The following IQCH variants were observed in gnomAD, a reference collection of about 807,000 sequenced individuals.
IQCH encodes the protein IQ domain-containing protein H.
In IQCH, 98 loss-of-function variants were observed where a neutral mutation model predicts 117.0. The ratio of observed to expected loss-of-function variants is 0.84; its 90% confidence interval spans 0.71 to 0.99. The LOEUF (loss-of-function observed/expected upper bound fraction) is 0.99. Ranked by LOEUF, IQCH falls within the 50% of genes least tolerant of loss-of-function variation. The pLI is 0.00. For missense variants in IQCH, 1,102 were observed against 1,243.8 expected (o/e 0.89, Z 1.72); for synonymous variants, 412 against 448.2 (o/e 0.92, Z 1.02).
rs79090278 is a variant in IQCH at position 67,399,609 on chromosome 15, C to G, written c.1906-505C>G. Among the ~76,000 whole-genome samples, 950 of 152,250 alleles carry G rather than the reference C, an allele frequency of 6.2e-3. 13 individuals are homozygous for G. The highest frequency in any genetic ancestry group is 0.02 in the African/African-American group (837 of 41,540). ...AAACTTGGCCAATTGGCCAGCCAAA[C>G]AAATGTATTTCATGTACATTAATGA... is the stretch of plus-strand genomic sequence containing the variant. On this transcript the variant is annotated intron_variant, in intron 13 of 20. Coordinates refer to ENST00000335894, the MANE Select transcript of IQCH (RefSeq NM_001031715.3).
At position 67,381,968 on chromosome 15, in the gene IQCH, TGATA is replaced by T. The variant is rs1970945541; in HGVS notation, c.1373-2967_1373-2964del. On this transcript the variant is annotated intron_variant, in intron 10 of 20. Coordinates refer to ENST00000335894, the MANE Select transcript of IQCH (RefSeq NM_001031715.3). The surrounding 1 kb of genome is among the most constrained non-coding windows in gnomAD (Gnocchi z 5.1). ...TGCATTGCCAGCCTGGGCAACAGAGTGATACCCTGTCAAAAAAAAAAAAAGAATT... is the reference window on the plus strand; with the variant it reads ...TGCATTGCCAGCCTGGGCAACAGAGTCCCTGTCAAAAAAAAAAAAAGAATT... Among the ~76,000 whole-genome samples the T allele has an allele frequency of 7.1e-6, 1 of 141,600 alleles. No individual in the cohort carries two copies. The highest frequency in any genetic ancestry group is 7.6e-5 in the Admixed American group (1 of 13,104). 92.9% of individuals were successfully genotyped at this position (141,600 alleles called of 152,430 possible).
In IQCH at chr15:67,433,689, C is replaced by A. The variant is rs1407872290; in HGVS notation, c.2505+12112C>A. Among the ~76,000 whole-genome samples the A allele has an allele frequency of 6.6e-6, 1 of 152,276 alleles. No homozygotes were observed. The highest frequency in any genetic ancestry group is 3.4e-3 in the Middle Eastern group (1 of 294). ...AGGGCGAGGAAAATCTGGACACTCA[C>A]ACTGCACCCTGCTGTCTCCAGCAGG... On this transcript the variant is annotated intron_variant, in intron 16 of 20. Transcript: ENST00000335894. The surrounding 1 kb of genome is among the most constrained non-coding windows in gnomAD (Gnocchi z 5.4).
At position 67,473,975 on chromosome 15, in the gene IQCH, C is replaced by T. The variant is rs567341142; in HGVS notation, c.2677-1721C>T. Among the ~76,000 whole-genome samples the T allele has an allele frequency of 2.2e-4, 33 of 151,932 alleles. No homozygotes were observed. The highest frequency in any genetic ancestry group is 4.4e-4 in the Non-Finnish European group (30 of 68,004). On this transcript the variant is annotated intron_variant, in intron 17 of 20. Coordinates refer to ENST00000335894, the MANE Select transcript of IQCH (RefSeq NM_001031715.3). This position sits in a 1 kb window ranked among gnomAD's most constrained non-coding sequence, Gnocchi z 4.9. ...CTGGTGGCACTGATGATGTGACCTTCGGACACAGGACTTGATGTAAATGTT... is the reference window on the plus strand; with the variant it reads ...CTGGTGGCACTGATGATGTGACCTTTGGACACAGGACTTGATGTAAATGTT...
At chr15:67,377,095 G>A (rs1410469547) in intron 10 of IQCH, among the ~76,000 whole-genome samples, 1 of 137,474 alleles carries the variant, frequency 7.3e-6, no homozygotes, top group Admixed American at 7.8e-5. Context: ...CTAGCCTGGG[G>A]ACACAGCGAG....
At chr15:67,355,912 C>G (rs1294209114) in intron 6 of IQCH, among the ~76,000 whole-genome samples, 1 of 152,188 alleles carries the variant, frequency 6.6e-6, no homozygotes, top group African/African-American at 2.4e-5. Context: ...TCCTTGAGAT[C>G]TTTGTCCTAC....
intron 4 of IQCH, among the ~76,000 whole-genome samples, chr15:67,317,171 T>G (rs1328836539): frequency 1.3e-5 from 2 of 152,192 alleles, no homozygotes; most frequent in Non-Finnish European, 2.9e-5. Context: ...GTTAAAGACC[T>G]GTATAATTGA....
At chr15:67,322,370 TC>T (rs1968175922) in intron 4 of IQCH, among the ~76,000 whole-genome samples, 1 of 152,238 alleles carries the variant, frequency 6.6e-6, no homozygotes, top group East Asian at 1.9e-4. Context: ...TCAACCTGTG[TC>T]TTTAAAATTA....
chr15:67,385,579 A>AAT lies in IQCH; in HGVS notation c.1456+561_1456+562insTA, dbSNP rs1402888207. Among the ~76,000 whole-genome samples the AAT allele has an allele frequency of 6.6e-6, 1 of 152,178 alleles. No individual in the cohort carries two copies. Among genetic ancestry groups the AAT allele is most frequent in the East Asian group, 1.9e-4 (1 of 5,196 alleles). ...TTCAGTGATGTATACATCTTTGTAAAAGTCAGGTTCTGATACTGGTTTGGT... is the reference window on the plus strand; with the variant it reads ...TTCAGTGATGTATACATCTTTGTAAAATAGTCAGGTTCTGATACTGGTTTGGT... On this transcript the variant is annotated intron_variant, in intron 11 of 20. Coordinates refer to ENST00000335894, the MANE Select transcript of IQCH (RefSeq NM_001031715.3). The surrounding 1 kb of genome is among the most constrained non-coding windows in gnomAD (Gnocchi z 4.6).
rs902037956 is a variant in IQCH, at chr15:67,422,232, C to T, written c.2505+655C>T. ...TTTTATGCCATCCAGGGAGTGGAACCGGTCTAGAGCCTGTTTTATATAGAA... is the reference window on the plus strand; with the variant it reads ...TTTTATGCCATCCAGGGAGTGGAACTGGTCTAGAGCCTGTTTTATATAGAA... On this transcript the variant is annotated intron_variant, in intron 16 of 20. Coordinates refer to ENST00000335894, the MANE Select transcript of IQCH (RefSeq NM_001031715.3). This position sits in a 1 kb window ranked among gnomAD's most constrained non-coding sequence, Gnocchi z 4.7. Among the ~76,000 whole-genome samples, 5 of 152,064 alleles carry T rather than the reference C, an allele frequency of 3.3e-5. No individual in the cohort carries two copies. The highest frequency in any genetic ancestry group is 9.7e-5 in the African/African-American group (4 of 41,398).
intron 3 of IQCH, among the ~76,000 whole-genome samples, chr15:67,267,257 C>T (rs1965715583): frequency 6.6e-6 from 1 of 152,128 alleles, no homozygotes; most frequent in African/African-American, 2.4e-5. Context: ...TTATGTGTCA[C>T]CTGGGATGTG....
At chr15:67,328,464 A>C (rs897820192) in intron 4 of IQCH, among the ~76,000 whole-genome samples, 1 of 152,214 alleles carries the variant, frequency 6.6e-6, no homozygotes, top group African/African-American at 2.4e-5. Flanking sequence ...AATATATGTT[A>C]TAAATGTAAC....
chr15:67,304,208 A>G (rs1967190279), intron 4 of IQCH: 1 of 542,978 alleles, frequency 1.8e-6, no homozygotes, highest in Non-Finnish European at 3.2e-6. Context: ...AGATCCAAAT[A>G]TATTTTTTTC....
rs1456767934 is a variant in IQCH at position 67,494,926 on chromosome 15, TG to T, written c.2970+562del. Among the ~76,000 whole-genome samples the T allele has an allele frequency of 6.6e-6, 1 of 152,226 alleles. No homozygotes were observed. Among genetic ancestry groups the T allele is most frequent in the Non-Finnish European group, 1.5e-5 (1 of 68,042 alleles). ...GCCTTCTTATGACCTTTAAAGATGT[TG>T]GTCTATCAAATCCAGTTGTGTATAA... is the stretch of plus-strand genomic sequence containing the variant. On this transcript the variant is annotated intron_variant, in intron 20 of 20. Transcript: ENST00000335894. The surrounding 1 kb of genome is among the most constrained non-coding windows in gnomAD (Gnocchi z 5.5).
intron 14 of IQCH, among the ~76,000 whole-genome samples, chr15:67,409,349 A>T (rs148958741): frequency 6.6e-6 from 1 of 152,298 alleles, no homozygotes; most frequent in East Asian, 1.9e-4. Flanking sequence ...TAGAAAGAAA[A>T]CCACAGCCCC....
chr15:67,322,732 G>A (rs1423193909), intron 4 of IQCH, among the ~76,000 whole-genome samples: 2 of 152,120 alleles, frequency 1.3e-5, no homozygotes, highest in East Asian at 1.9e-4. Context: ...GTTGAGGAGG[G>A]CAGAGAAGAA....
In IQCH at chr15:67,459,482, G is replaced by T. The variant is rs772732796; in HGVS notation, c.2506-5645G>T. Among the ~76,000 whole-genome samples the T allele has an allele frequency of 4.6e-5, 7 of 152,196 alleles. No individual in the cohort carries two copies. Among genetic ancestry groups the T allele is most frequent in the Non-Finnish European group, 7.3e-5 (5 of 68,034 alleles). ...TCATCCCGCCTGTCACCAGAAAGAG[G>T]CAGAAGCAGCAGGGGTGAGCAGGCA... On this transcript the variant is annotated intron_variant, in intron 16 of 20. Transcript: ENST00000335894. The surrounding 1 kb of genome is among the most constrained non-coding windows in gnomAD (Gnocchi z 4.2).
rs1971293832 is a variant in IQCH, at chr15:67,391,820, G to A, written c.1632+2814G>A. Among the ~76,000 whole-genome samples, 1 of 152,192 alleles carries A rather than the reference G, an allele frequency of 6.6e-6. No individual in the cohort carries two copies. Among genetic ancestry groups the A allele is most frequent in the Non-Finnish European group, 1.5e-5 (1 of 68,042 alleles). ...ATACTGTGGCAGCATCTTGCCTGGA[G>A]TCTAGGGCATGCCCGCAGATGACTA... On this transcript the variant is annotated intron_variant, in intron 12 of 20. Transcript: ENST00000335894. The surrounding 1 kb of genome is among the most constrained non-coding windows in gnomAD (Gnocchi z 4.3).
intron 3 of IQCH, among the ~76,000 whole-genome samples, chr15:67,271,070 G>A (rs755236316): frequency 3.3e-5 from 5 of 152,174 alleles, no homozygotes; most frequent in Non-Finnish European, 7.3e-5. Flanking sequence ...CTGGATTCAA[G>A]CAATTCTCCT....
At chr15:67,322,219 A>T (rs1169803049) in intron 4 of IQCH, among the ~76,000 whole-genome samples, 1 of 152,074 alleles carries the variant, frequency 6.6e-6, no homozygotes, top group Non-Finnish European at 1.5e-5. Flanking sequence ...CTCTTTCATC[A>T]GTTTCATCTG....
Sources: allele counts gnomAD v4.1 joint callset (sites outside exome capture counted in the v4.1 genomes callset), GRCh38; gene constraint gnomAD v4.1.1; non-coding constraint Gnocchi (gnomAD v3.1); transcripts MANE v1.5; gene names NCBI Gene and HGNC (gene_info 2026-07-23, HGNC 2026-07-21).